Variants in CAND1 observed in about 807,000 individuals in gnomAD.
CAND1 encodes cullin associated and neddylation dissociated 1, also known as cullin-associated NEDD8-dissociated protein 1.
A neutral mutation model predicts 108.5 loss-of-function variants in CAND1; 7 were observed. The observed-to-expected ratio is 0.06, with a 90% CI of 0.04 to 0.12. The LOEUF is 0.12. Ranked by LOEUF, CAND1 falls within the 10% of genes least tolerant of loss-of-function variation. The pLI is 1.00. For missense variants in CAND1, 941 were observed against 1,448.7 expected (o/e 0.65, Z 5.69); for synonymous variants, 534 against 512.0 (o/e 1.04, Z -0.58).
chr12:67,307,340 T>C, intron 10 of CAND1, 57 bp from the exon 11 acceptor site: 1 of 1,203,196 alleles, frequency 8.3e-7, no homozygotes, highest in Non-Finnish European at 1.2e-6. Flanking sequence ...TTAAAAATGA[T>C]GTCCGTGAGT....
At chr12:67,297,150 A>G (rs1435365232) in intron 4 of CAND1, 6 of 520,518 alleles carry the variant, frequency 1.2e-5, no homozygotes, top group African/African-American at 1.9e-5. Flanking sequence ...TCAATTAGAT[A>G]TCCTATAATT....
intron 1 of CAND1, chr12:67,270,514 G>A (rs1179601606): frequency 3.3e-5 from 5 of 152,152 alleles, no homozygotes; most frequent in Non-Finnish European, 4.4e-5. Flanking sequence ...CAAAGGGGTG[G>A]ATTGCTGGAT....
Position 67,305,076 on chromosome 12 carries a change from A to G in CAND1, c.1436-28A>G, listed in dbSNP as rs1399577502. The stretch of plus-strand genomic sequence containing the variant: ...TTCTTTCTTAAAAGTCTGCACAGCA[A>G]TGATTGGATTTTTTGTTGGCTTTTT... On this transcript the variant is annotated intron_variant, in intron 9 of 14. Coordinates refer to ENST00000545606, the MANE Select transcript of CAND1 (RefSeq NM_018448.5). This position sits in a 1 kb window ranked among gnomAD's most constrained non-coding sequence, Gnocchi z 4.4. 3 of 1,588,818 alleles carry G rather than the reference A, an allele frequency of 1.9e-6. No homozygotes were observed. The highest frequency in any genetic ancestry group is 2.6e-6 in the Non-Finnish European group (3 of 1,166,942).
At chr12:67,283,106 CATT>C (rs1364239373) in intron 2 of CAND1, among the ~76,000 whole-genome samples, 1 of 152,060 alleles carries the variant, frequency 6.6e-6, no homozygotes, top group Non-Finnish European at 1.5e-5. Flanking sequence ...TTAAATAAAG[CATT>C]ATCCCATTGT....
intron 2 of CAND1, among the ~76,000 whole-genome samples, chr12:67,284,401 T>TTTA (rs2044648979): frequency 6.6e-6 from 1 of 152,222 alleles, no homozygotes; most frequent in Admixed American, 6.5e-5. Context: ...TATTATATGC[T>TTTA]TTATTAATAC....
Position 67,305,321 on chromosome 12 carries a change from T to C in CAND1, c.1653T>C (p.Arg551=), listed in dbSNP as rs1218249871. 1.2e-6 allele frequency: 2 copies of C among 1,614,062 alleles called. No individual in the cohort carries two copies. Among genetic ancestry groups the C allele is most frequent in the Admixed American group, 3.3e-5 (2 of 60,008 alleles). The change falls in exon 10 of 15, where the codon CGT becomes CGC. Residue 551 remains arginine, a synonymous_variant. Transcript: ENST00000545606. The surrounding 1 kb of genome is among the most constrained non-coding windows in gnomAD (Gnocchi z 4.4). ...CTCAACAGCTTGTCAAAGTAATTCG[T>C]CCTTTAGATCAGCCTTCCTCGTTTG... ...LVTQQLVKVI[R]PLDQPSSFDA...
intron 8 of CAND1, 24 bp from the exon 9 acceptor site, chr12:67,304,581 C>G: frequency 6.2e-7 from 1 of 1,610,916 alleles, no homozygotes; most frequent in Middle Eastern, 1.7e-4. Flanking sequence ...GCTGAACCAG[C>G]TAATGACTAT....
chr12:67,273,422 T>C (rs1228468759), intron 1 of CAND1, among the ~76,000 whole-genome samples: 1 of 151,868 alleles, frequency 6.6e-6, no homozygotes, highest in Non-Finnish European at 1.5e-5. Flanking sequence ...CATGTGACAC[T>C]CCATTTGTGA....
chr12:67,299,168 A>G, intron 7 of CAND1, 73 bp downstream of exon 7: 1 of 1,354,264 alleles, frequency 7.4e-7, no homozygotes, highest in Non-Finnish European at 9.8e-7. Flanking sequence ...TCTTAGTCCA[A>G]ATTGTACTGT....
intron 2 of CAND1, among the ~76,000 whole-genome samples, chr12:67,289,902 T>A (rs2044706924): frequency 6.6e-6 from 1 of 152,142 alleles, no homozygotes; most frequent in Non-Finnish European, 1.5e-5. Context: ...CAGTCAGCAG[T>A]CATCAGTTGA....
Position 67,314,140 on chromosome 12 carries a change from T to C in CAND1, c.*1310T>C, listed in dbSNP as rs996450290. 7.2e-5 allele frequency: 11 copies of C among 152,218 alleles called. No homozygotes were observed. Among genetic ancestry groups the C allele is most frequent in the African/African-American group, 2.7e-4 (11 of 41,462 alleles). The allele number at this position is 152,218 out of a possible 1,614,324, so 9.4% of individuals were successfully genotyped here. A position where few individuals can be genotyped will look rare whatever the true frequency, so the allele number is the denominator to read the frequency against. On this transcript the variant is annotated 3_prime_UTR_variant, in exon 15 of 15. Transcript: ENST00000545606. ...TAATTCTGAAATAAAAGACATCTCC[T>C]AATGCTGTGCAAACATAGTTTACAT...
Position 67,306,295 on chromosome 12 carries a change from C to T in CAND1, c.2627C>T (p.Ala876Val). The T allele has an allele frequency of 6.2e-7, 1 of 1,614,162 alleles. No homozygotes were observed. Among genetic ancestry groups the T allele is most frequent in the Non-Finnish European group, 8.5e-7 (1 of 1,179,998 alleles). Residue 876 changes from alanine to valine, a missense_variant, in exon 10 of 15, where the codon GCA (alanine) becomes GTA (valine). By Grantham distance (64) the Ala-to-Val change is moderately conservative. Coordinates refer to ENST00000545606, the MANE Select transcript of CAND1 (RefSeq NM_018448.5). ...SSPSEEVKSA[A>V]SYALGSISVG... ...CCTAGTGAAGAAGTCAAATCAGCTG[C>T]ATCCTATGCATTAGGCAGCATTAGT...
intron 3 of CAND1, among the ~76,000 whole-genome samples, chr12:67,294,424 G>A (rs907519868): frequency 1.6e-4 from 24 of 152,074 alleles, no homozygotes; most frequent in African/African-American, 5.6e-4. Flanking sequence ...CTAAGCATTG[G>A]AGCTCAGAAT....
Position 67,313,256 on chromosome 12 carries a change from G to A in CAND1, c.*426G>A, listed in dbSNP as rs558440876. The A allele has an allele frequency of 8.8e-4, 134 of 152,744 alleles. 1 individual carries two copies. The highest frequency in any genetic ancestry group is 1.6e-3 in the Non-Finnish European group (108 of 68,236). The allele number at this position is 152,744 out of a possible 1,614,324, so 9.5% of individuals were successfully genotyped here. A position where few individuals can be genotyped will look rare whatever the true frequency, so the allele number is the denominator to read the frequency against. ...AACAAAAACCATGTTTCTTTTTCTT[G>A]TATAACTTTTTGTTTTCAGCAACAT... On this transcript the variant is annotated 3_prime_UTR_variant, in exon 15 of 15. Transcript: ENST00000545606.
chr12:67,270,724 G>T (rs1427069834), intron 1 of CAND1: 2 of 147,246 alleles, frequency 1.4e-5, no homozygotes, highest in South Asian at 4.3e-4. Context: ...GGTGATTGTT[G>T]CATTCTTTCC....
At chr12:67,310,359 C>G in intron 13 of CAND1, 43 bp downstream of exon 13, 1 of 1,425,410 alleles carries the variant, frequency 7.0e-7, no homozygotes, top group Non-Finnish European at 9.6e-7. Context: ...TAGAAGAAGA[C>G]TTTGCTAGAG....
In CAND1 at chr12:67,307,383, T is replaced by TTTTAAC; in HGVS notation, c.2930-13_2930-12insTTAACT. 4 of 1,600,466 alleles carry TTTTAAC rather than the reference T, an allele frequency of 2.5e-6. No homozygotes were observed. Among genetic ancestry groups the TTTTAAC allele is most frequent in the Non-Finnish European group, 3.4e-6 (4 of 1,169,572 alleles). The stretch of plus-strand genomic sequence containing the variant: ...GACTACATACCAATAGACTTGCAAT[T>TTTTAAC]TATTTTTAACTAGGCTCATCATATG... On this transcript the variant is annotated splice_polypyrimidine_tract_variant and intron_variant, in intron 10 of 14. Transcript: ENST00000545606.
chr12:67,310,812 A>G (rs1262176256), intron 13 of CAND1: 1 of 152,182 alleles, frequency 6.6e-6, no homozygotes, highest in East Asian at 1.9e-4. Context: ...TGTGTTTAAT[A>G]TCAAGAATTT....
intron 2 of CAND1, among the ~76,000 whole-genome samples, chr12:67,289,155 A>G (rs1165564035): frequency 1.3e-5 from 2 of 152,008 alleles, no homozygotes; most frequent in African/African-American, 4.8e-5. Flanking sequence ...ATTCAGTTTT[A>G]TAATTTCTGC....
Sources: gnomAD v4.1 joint callset for allele counts (sites outside exome capture counted in the v4.1 genomes callset) on GRCh38, gnomAD v4.1.1 for gene constraint, Gnocchi (gnomAD v3.1) non-coding constraint, MANE v1.5 for transcripts, NCBI Gene and HGNC (gene_info 2026-07-23, HGNC 2026-07-21) for gene names.